Variants in CHD2 observed in about 807,000 individuals in gnomAD.
CHD2 encodes the protein chromodomain helicase DNA binding protein 2, also known as ATP-dependent chromatin remodeler CHD2.
CHD2 carries 28 observed loss-of-function variants against 243.9 expected under a neutral mutation model. That is an observed-to-expected ratio of 0.11 (90% CI 0.09 to 0.16). The LOEUF (loss-of-function observed/expected upper bound fraction) is 0.16. Ranked by LOEUF, CHD2 falls within the 10% of genes least tolerant of loss-of-function variation. CHD2 has a pLI of 1.00. For synonymous variants in CHD2, 775 were observed against 779.0 expected (o/e 0.99, Z 0.09); for missense variants, 1,386 against 2,209.8 (o/e 0.63, Z 7.47).
chr15:93,007,024 C>T (rs778083751), intron 34 of CHD2, among the ~76,000 whole-genome samples: 9 of 152,198 alleles, frequency 5.9e-5, no homozygotes, highest in Non-Finnish European at 1.0e-4. Flanking sequence ...TATTTTCTTG[C>T]ACTACACAAG....
At chr15:92,962,281 A>C (rs1286756839) in intron 16 of CHD2, among the ~76,000 whole-genome samples, 1 of 151,974 alleles carries the variant, frequency 6.6e-6, no homozygotes, top group Non-Finnish European at 1.5e-5. Context: ...TAGATTACTG[A>C]TGTAAAACTT....
chr15:92,964,314 A>G lies in CHD2; in HGVS notation c.2001-3011A>G, dbSNP rs1343781493. Among the ~76,000 whole-genome samples, 5 of 152,232 alleles carry G rather than the reference A, an allele frequency of 3.3e-5. No individual in the cohort carries two copies. The South Asian group carries it at 1.0e-3, about 31-fold the overall frequency. On this transcript the variant is annotated intron_variant, in intron 16 of 38. Coordinates refer to ENST00000394196, the MANE Select transcript of CHD2 (RefSeq NM_001271.4). Reference sequence around the variant, plus strand: ...AATTGTTGTTCACAAAGATATGTATATGAAAAGGAAACCAATTAGTTAAGG... The same window carrying G: ...AATTGTTGTTCACAAAGATATGTATGTGAAAAGGAAACCAATTAGTTAAGG...
chr15:92,989,868 A>T (rs908489685), intron 26 of CHD2, among the ~76,000 whole-genome samples: 1 of 152,216 alleles, frequency 6.6e-6, no homozygotes, highest in Non-Finnish European at 1.5e-5. Flanking sequence ...AGGGTGTCCC[A>T]GGAGCGTGCG....
chr15:92,949,155 C>A (rs1291825027), intron 13 of CHD2, 79 bp downstream of exon 13: 2 of 1,570,098 alleles, frequency 1.3e-6, no homozygotes, highest in African/African-American at 1.4e-5. Flanking sequence ...TTTTTTTTTT[C>A]TTTTTTCACA....
chr15:92,997,376 A>C lies in CHD2; in HGVS notation c.3858A>C (p.Thr1286=), dbSNP rs745986242. The change falls in exon 30 of 39, where the codon ACA becomes ACC. Residue 1286 remains threonine (T), a synonymous_variant. Transcript: ENST00000394196. The surrounding 1 kb of genome is among the most constrained non-coding windows in gnomAD (Gnocchi z 4.1). ...HGYGNWELIK[T]DPELKLTDKI... Reference sequence around the variant, plus strand: ...ATGGAAACTGGGAGTTAATTAAAACAGACCCAGAGCTTAAATTAACTGACA... The same window carrying C: ...ATGGAAACTGGGAGTTAATTAAAACCGACCCAGAGCTTAAATTAACTGACA... 1 of 1,603,544 alleles carries C rather than the reference A, an allele frequency of 6.2e-7. No individual in the cohort carries two copies. Among genetic ancestry groups the C allele is most frequent in the East Asian group, 2.2e-5 (1 of 44,760 alleles).
At chr15:92,954,957 G>A (rs936319598) in intron 14 of CHD2, among the ~76,000 whole-genome samples, 1 of 152,164 alleles carries the variant, frequency 6.6e-6, no homozygotes, top group African/African-American at 2.4e-5. Flanking sequence ...CATCTTACAA[G>A]CCTCCCTTTT....
intron 2 of CHD2, among the ~76,000 whole-genome samples, chr15:92,922,314 G>A (rs80144745): frequency 0.015 from 2,265 of 152,154 alleles, 47 homozygotes; most frequent in African/African-American, 0.052. Context: ...TATTGTCCTT[G>A]GGAATAAGCA....
chr15:92,963,616 G>A (rs185274422), intron 16 of CHD2, among the ~76,000 whole-genome samples: 224 of 152,214 alleles, frequency 1.5e-3, no homozygotes, highest in Non-Finnish European at 1.7e-3. Flanking sequence ...TATTCAGGTC[G>A]CTGTTGGGTA....
chr15:92,929,108 G>C lies in CHD2; in HGVS notation c.443+17G>C. On this transcript the variant is annotated intron_variant, in intron 5 of 38. Coordinates refer to ENST00000394196, the MANE Select transcript of CHD2 (RefSeq NM_001271.4). ...GAAAAAACAGTAAGTCTTTCATGGG[G>C]GAAATTATTCAATCTAGTAGTTTCA... 6.3e-7 allele frequency: 1 copy of C among 1,592,972 alleles called. No individual in the cohort carries two copies. The highest frequency in any genetic ancestry group is 1.3e-5 in the African/African-American group (1 of 74,368).
intron 5 of CHD2, among the ~76,000 whole-genome samples, chr15:92,935,078 T>C (rs2053240843): frequency 6.7e-6 from 1 of 149,464 alleles, no homozygotes; most frequent in Non-Finnish European, 1.5e-5. Context: ...CTTTGTCACC[T>C]AGGCTGGAGT....
Position 92,997,340 on chromosome 15 carries a change from T to C in CHD2, c.3822T>C (p.Tyr1274=). ...ATTCTCGCCTGTTGCTGGGGATTTA[T>C]GAACATGGCTATGGAAACTGGGAGT... The part of the protein sequence containing the change: ...EDDSRLLLGI[Y]EHGYGNWELI... Residue 1274 remains tyrosine, a synonymous_variant, in exon 30 of 39, where the codon TAT becomes TAC. Transcript: ENST00000394196. This position sits in a 1 kb window ranked among gnomAD's most constrained non-coding sequence, Gnocchi z 4.1. 6.2e-7 allele frequency: 1 copy of C among 1,613,234 alleles called. No individual in the cohort carries two copies. The highest frequency in any genetic ancestry group is 8.5e-7 in the Non-Finnish European group (1 of 1,179,746).
At chr15:92,962,156 A>G (rs946373378) in intron 16 of CHD2, among the ~76,000 whole-genome samples, 7 of 152,018 alleles carry the variant, frequency 4.6e-5, no homozygotes, top group African/African-American at 1.4e-4. Flanking sequence ...CTGGGATTGC[A>G]GGCGTGAGCC....
chr15:93,003,606 G>A (rs368804197), intron 33 of CHD2, among the ~76,000 whole-genome samples: 239 of 148,852 alleles, frequency 1.6e-3, no homozygotes, highest in African/African-American at 5.4e-3. Context: ...GGGGCCAGGC[G>A]GGGGGAGACG....
At position 92,997,243 on chromosome 15, in the gene CHD2, C is replaced by T. The variant is rs561232252; in HGVS notation, c.3735-10C>T. 6 of 1,613,828 alleles carry T rather than the reference C, an allele frequency of 3.7e-6. No homozygotes were observed. In the South Asian group the frequency reaches 5.5e-5, roughly 15 times the overall value. The stretch of plus-strand genomic sequence containing the variant: ...CTTCTAATGTCTTCCTGTTTTTAAA[C>T]TTTCTTTAGATACTGCTTAACCTGT... On this transcript the variant is annotated splice_polypyrimidine_tract_variant and intron_variant, in intron 29 of 38. Coordinates refer to ENST00000394196, the MANE Select transcript of CHD2 (RefSeq NM_001271.4). The surrounding 1 kb of genome is among the most constrained non-coding windows in gnomAD (Gnocchi z 4.1).
chr15:92,940,875 CATATAAATATAT>C (rs1337138227), intron 7 of CHD2, among the ~76,000 whole-genome samples: 2 of 88,780 alleles, frequency 2.3e-5, no homozygotes, highest in Admixed American at 1.5e-4. Context: ...TAAAAATATA[CATATAAATATAT>C]ATAAAAATAT....
At chr15:92,904,385 C>T (rs1197253626) in intron 2 of CHD2, 2 of 934,108 alleles carry the variant, frequency 2.1e-6, no homozygotes, top group Admixed American at 6.2e-5. Flanking sequence ...CGCCCCGTGA[C>T]GTCAGACGGC....
At chr15:92,972,154 A>G in intron 18 of CHD2, 111 bp from the exon 19 acceptor site, 1 of 1,236,902 alleles carries the variant, frequency 8.1e-7, no homozygotes. Context: ...GCAGGTTGCT[A>G]AGGGCTTCAG....
chr15:92,935,678 C>T (rs2053254271), intron 5 of CHD2, among the ~76,000 whole-genome samples: 1 of 152,234 alleles, frequency 6.6e-6, no homozygotes, highest in South Asian at 2.1e-4. Flanking sequence ...CAGACTCATG[C>T]TGGTCTCCCA....
At chr15:92,951,547 G>T (rs2053554606) in intron 13 of CHD2, among the ~76,000 whole-genome samples, 1 of 152,174 alleles carries the variant, frequency 6.6e-6, no homozygotes, top group African/African-American at 2.4e-5. Context: ...CCTGGTCACA[G>T]GAATGTTACT....
Sources: gnomAD v4.1 joint callset for allele counts (sites outside exome capture counted in the v4.1 genomes callset) on GRCh38, gnomAD v4.1.1 for gene constraint, Gnocchi (gnomAD v3.1) non-coding constraint, MANE v1.5 for transcripts, NCBI Gene and HGNC (gene_info 2026-07-23, HGNC 2026-07-21) for gene names.